Variants in ABTB2 observed in about 807,000 individuals in gnomAD.
ABTB2 encodes the protein ankyrin repeat and BTB/POZ domain-containing protein 2.
In ABTB2, 56 loss-of-function variants were observed where a neutral mutation model predicts 104.1. That is an observed-to-expected ratio of 0.54 (90% confidence interval 0.43 to 0.67). The LOEUF is 0.67. Among genes scored for constraint, ABTB2 ranks in the 30% least tolerant of loss-of-function variants. The pLI, the probability that ABTB2 is intolerant of heterozygous loss-of-function variation, is 0.00. For missense variants in ABTB2, 1,279 were observed against 1,407.7 expected (o/e 0.91, Z 1.46); for synonymous variants, 606 against 608.2 (o/e 1.00, Z 0.05).
At chr11:34,155,365 G>A (rs965338691) in intron 14 of ABTB2, among the ~76,000 whole-genome samples, 2 of 152,222 alleles carry the variant, frequency 1.3e-5, no homozygotes, top group Non-Finnish European at 2.9e-5. Flanking sequence ...CCGGAGGCCC[G>A]GAGGCCCGGA....
At chr11:34,316,272 C>A (rs1854929376) in intron 1 of ABTB2, among the ~76,000 whole-genome samples, 1 of 152,232 alleles carries the variant, frequency 6.6e-6, no homozygotes, top group South Asian at 2.1e-4. Flanking sequence ...CATACGGACA[C>A]TGCAAAAGTC....
intron 3 of ABTB2, among the ~76,000 whole-genome samples, chr11:34,195,889 C>T (rs1853246863): frequency 1.3e-5 from 2 of 152,170 alleles, no homozygotes; most frequent in Admixed American, 1.3e-4. Flanking sequence ...ACTCAATGCC[C>T]CCCAAAGACA....
chr11:34,211,010 C>G (rs1046209307), intron 1 of ABTB2, among the ~76,000 whole-genome samples: 1 of 152,030 alleles, frequency 6.6e-6, no homozygotes, highest in Admixed American at 6.6e-5. Context: ...ATTTAATGCC[C>G]AGTTGTTATA....
Position 34,162,736 on chromosome 11 carries a change from G to T in ABTB2, c.2058C>A (p.Ile686=), listed in dbSNP as rs1852740475. 1.2e-6 allele frequency: 2 copies of T among 1,611,190 alleles called. No homozygotes were observed. The highest frequency in any genetic ancestry group is 1.1e-5 in the South Asian group (1 of 91,084). Residue 686 remains isoleucine (I), a synonymous_variant, in exon 10 of 17, where the codon ATC becomes ATA. Transcript: ENST00000435224. ...CACTTTCCTCCACACCCTCGGCCAG[G>T]ATCTCCTCCAGGGACAGCACGTCCG... ...AKADVLSLEE[I]LAEGVEESDA...
intron 1 of ABTB2, among the ~76,000 whole-genome samples, chr11:34,333,669 T>C (rs1441377678): frequency 6.6e-6 from 1 of 151,952 alleles, no homozygotes; most frequent in East Asian, 1.9e-4. Context: ...GGCAGGAAAA[T>C]TGCTTGAACC....
At chr11:34,175,698 A>G (rs1321018) in intron 3 of ABTB2, among the ~76,000 whole-genome samples, 77,487 of 152,024 alleles carry the variant, frequency 0.51, 20,412 homozygotes, top group East Asian at 0.91. Flanking sequence ...TCCACTGAGC[A>G]TACCAATCTG....
rs990946962 is a variant in ABTB2, at chr11:34,357,579, G to A, written c.5C>T (p.Ala2Val). The A allele has an allele frequency of 1.3e-6, 2 of 1,508,162 alleles. No homozygotes were observed. The highest frequency in any genetic ancestry group is 4.1e-5 in the Admixed American group (2 of 48,926). The allele number at this position is 1,508,162 out of a possible 1,614,324, so 93.4% of individuals were successfully genotyped here. ...CTTCAGAGTCGAGCTGTACGTCCCGGCCATGGGGAGCCTGCCGAGGGCGGC... is the reference window on the plus strand; with the variant it reads ...CTTCAGAGTCGAGCTGTACGTCCCGACCATGGGGAGCCTGCCGAGGGCGGC... M[A>V]GTYSSTLKTL... The change falls in exon 1 of 17, where the codon GCC becomes GTC. Residue 2 changes from alanine to valine, a missense_variant. Coordinates refer to ENST00000435224, the MANE Select transcript of ABTB2 (RefSeq NM_145804.3).
At chr11:34,338,958 A>G (rs1172954616) in intron 1 of ABTB2, among the ~76,000 whole-genome samples, 1 of 152,172 alleles carries the variant, frequency 6.6e-6, no homozygotes, top group East Asian at 1.9e-4. Context: ...GAAATCAGCA[A>G]CAGTATCTAC....
intron 1 of ABTB2, among the ~76,000 whole-genome samples, chr11:34,331,183 G>C (rs1855125543): frequency 6.6e-6 from 1 of 152,208 alleles, no homozygotes; most frequent in Admixed American, 6.5e-5. Context: ...CCTCCTGATT[G>C]AAGGGACTTT....
Position 34,152,542 on chromosome 11 carries a change from A to C in ABTB2, c.2923T>G (p.Phe975Val). ...AGTAGGGCCTTCATGTGCTTGAGGA[A>C]GAAGCCCTCACAGAACAGGGCCAGT... ...PELALFCEGF[F>V]LKHMKALLEQ... The change falls in exon 17 of 17, where the codon TTC (phenylalanine) becomes GTC (valine). Residue 975 changes from phenylalanine (F) to valine (V), a missense_variant. Transcript: ENST00000435224. 1.2e-6 allele frequency: 2 copies of C among 1,612,904 alleles called. No homozygotes were observed. Among genetic ancestry groups the C allele is most frequent in the Non-Finnish European group, 1.7e-6 (2 of 1,179,796 alleles).
chr11:34,294,635 G>A (rs931647958), intron 1 of ABTB2, among the ~76,000 whole-genome samples: 1 of 152,128 alleles, frequency 6.6e-6, no homozygotes, highest in Non-Finnish European at 1.5e-5. Context: ...AGCACTTTGG[G>A]AGGCTAAAGC....
chr11:34,341,265 C>T (rs1855259090), intron 1 of ABTB2, among the ~76,000 whole-genome samples: 1 of 152,160 alleles, frequency 6.6e-6, no homozygotes, highest in Non-Finnish European at 1.5e-5. Context: ...TGCCTGAGGC[C>T]ACGCAGCTTG....
intron 1 of ABTB2, among the ~76,000 whole-genome samples, chr11:34,298,608 G>A (rs981998288): frequency 1.3e-5 from 2 of 152,044 alleles, no homozygotes; most frequent in Non-Finnish European, 2.9e-5. Context: ...AACTACAGGC[G>A]CAGAACACCA....
In ABTB2 at chr11:34,289,196, C is replaced by G. The variant is rs374732919; in HGVS notation, c.883+67505G>C. ...CTCAAACATCTGAGTTCTGTAACAA[C>G]TTACTCAGCTTCCCTTAACATCAAA... On this transcript the variant is annotated intron_variant, in intron 1 of 16. Transcript: ENST00000435224. Among the ~76,000 whole-genome samples the G allele has an allele frequency of 6.0e-4, 92 of 152,316 alleles. 1 individual carries two copies. The highest frequency in any genetic ancestry group is 2.2e-3 in the African/African-American group (90 of 41,574).
intron 1 of ABTB2, among the ~76,000 whole-genome samples, chr11:34,219,428 C>T (rs1853588425): frequency 6.6e-6 from 1 of 151,818 alleles, no homozygotes; most frequent in African/African-American, 2.4e-5. Context: ...AGCTGTGGTC[C>T]CAGCTGTGGG....
chr11:34,236,069 G>A (rs1487318362), intron 1 of ABTB2, among the ~76,000 whole-genome samples: 1 of 152,162 alleles, frequency 6.6e-6, no homozygotes, highest in Non-Finnish European at 1.5e-5. Flanking sequence ...AGGCTGGTGG[G>A]TACACCCCTG....
At position 34,223,804 on chromosome 11, in the gene ABTB2, A is replaced by C. The variant is rs1046846036; in HGVS notation, c.884-19114T>G. 2.0e-5 allele frequency among the ~76,000 whole-genome samples: 3 copies of C among 152,138 alleles called. No homozygotes were observed. The East Asian group carries it at 5.8e-4, about 29-fold the overall frequency. The stretch of plus-strand genomic sequence containing the variant: ...ATCTGATTGTCCACCCCTCAAGTCA[A>C]CTGCCAGAGGGTGGAGAAAACTACT... On this transcript the variant is annotated intron_variant, in intron 1 of 16. Coordinates refer to ENST00000435224, the MANE Select transcript of ABTB2 (RefSeq NM_145804.3).
chr11:34,285,622 G>A (rs1259330526), intron 1 of ABTB2, among the ~76,000 whole-genome samples: 1 of 152,144 alleles, frequency 6.6e-6, no homozygotes, highest in Admixed American at 6.5e-5. Flanking sequence ...ACAGGGGCCT[G>A]CTGCTCTACC....
At chr11:34,279,069 G>C (rs1244600858) in intron 1 of ABTB2, among the ~76,000 whole-genome samples, 9 of 152,156 alleles carry the variant, frequency 5.9e-5, no homozygotes, top group African/African-American at 1.4e-4. Flanking sequence ...TCTTGCTAGG[G>C]TTCTCAGTCA....
Sources: gnomAD v4.1 joint callset for allele counts (sites outside exome capture counted in the v4.1 genomes callset) on GRCh38, gnomAD v4.1.1 for gene constraint, MANE v1.5 for transcripts, NCBI Gene and HGNC (gene_info 2026-07-23, HGNC 2026-07-21) for gene names.